The following DMTF1 variants were observed in gnomAD, a reference collection of about 807,000 sequenced individuals.
DMTF1 encodes the protein cyclin D binding myb like transcription factor 1.
DMTF1 carries 39 observed loss-of-function variants against 91.1 expected under a neutral mutation model. That is an observed-to-expected ratio of 0.43 (90% CI 0.33 to 0.56). The LOEUF is 0.56. Among genes scored for constraint, DMTF1 ranks in the 20% least tolerant of loss-of-function variants. The pLI is 0.05. For synonymous variants in DMTF1, 338 were observed against 309.5 expected (o/e 1.09, Z -0.97); for missense variants, 750 against 914.5 (o/e 0.82, Z 2.32).
intron 1 of DMTF1, among the ~76,000 whole-genome samples, chr7:87,153,322 G>A (rs912616560): frequency 6.6e-6 from 1 of 152,160 alleles, no homozygotes. Context: ...TTACCCTATT[G>A]TGCCGAGTTC....
intron 15 of DMTF1, 96 bp from the exon 16 acceptor site, chr7:87,193,629 C>A: frequency 8.4e-7 from 1 of 1,187,350 alleles, no homozygotes; most frequent in East Asian, 2.4e-5. Context: ...AAAGTATTTA[C>A]AGTTTGAGAG....
chr7:87,188,194 C>A lies in DMTF1; in HGVS notation c.1304C>A (p.Ser435Tyr). The stretch of plus-strand genomic sequence containing the variant: ...GGAGTTCCAAACAGTAATACCAATT[C>A]CAGTGTGCAGCATGTTCAGATAAGA... ...GSGVPNSNTN[S>Y]SVQHVQIRVA... Residue 435 changes from serine to tyrosine, a missense_variant, in exon 13 of 18, where the codon TCC becomes TAC. Ser to Tyr is a moderately radical substitution (Grantham distance 144). Around this residue, in one of 3 missense-constraint regions of DMTF1, gnomAD observed 410 missense variants for 420.2 expected, o/e 0.98. Coordinates refer to ENST00000331242, the MANE Select transcript of DMTF1 (RefSeq NM_001142327.2). The A allele has an allele frequency of 1.2e-6, 2 of 1,613,976 alleles. No individual in the cohort carries two copies. The highest frequency in any genetic ancestry group is 1.7e-6 in the Non-Finnish European group (2 of 1,179,912).
intron 11 of DMTF1, chr7:87,185,060 C>T (rs1798119355): frequency 3.0e-6 from 1 of 333,616 alleles, no homozygotes; most frequent in South Asian, 2.4e-5. Flanking sequence ...TCTGTAGTTA[C>T]CTCCACACCT....
chr7:87,194,342 A>G, intron 16 of DMTF1: 1 of 486,924 alleles, frequency 2.1e-6, no homozygotes, highest in Non-Finnish European at 3.6e-6. Flanking sequence ...CTTTACCTAC[A>G]ATACATTGAG....
At chr7:87,175,066 T>C (rs1256965511) in intron 7 of DMTF1, among the ~76,000 whole-genome samples, 1 of 151,606 alleles carries the variant, frequency 6.6e-6, no homozygotes, top group Non-Finnish European at 1.5e-5. Flanking sequence ...TTGCCCAGGC[T>C]GGAGTACAGT....
intron 4 of DMTF1, among the ~76,000 whole-genome samples, chr7:87,167,667 G>C (rs1253956908): frequency 1.1e-4 from 16 of 152,314 alleles, no homozygotes; most frequent in Non-Finnish European, 2.2e-4. Context: ...TTAGTTTACT[G>C]TAAGACTTAA....
At chr7:87,153,525 AT>A in intron 1 of DMTF1, among the ~76,000 whole-genome samples, 1 of 152,306 alleles carries the variant, frequency 6.6e-6, no homozygotes, top group East Asian at 1.9e-4. Context: ...CTCGGTGTAG[AT>A]AAGGAAAAGG....
chr7:87,153,126 G>T (rs1039583912), intron 1 of DMTF1, among the ~76,000 whole-genome samples: 1 of 151,954 alleles, frequency 6.6e-6, no homozygotes, highest in African/African-American at 2.4e-5. Flanking sequence ...CCTCGTTTGC[G>T]CTTTAGATTC....
chr7:87,159,298 C>T (rs1251808874), intron 1 of DMTF1, among the ~76,000 whole-genome samples: 2 of 152,146 alleles, frequency 1.3e-5, no homozygotes, highest in African/African-American at 2.4e-5. Context: ...ATAGTTCTTT[C>T]TGTAAGCCAC....
intron 13 of DMTF1, among the ~76,000 whole-genome samples, chr7:87,189,513 A>C (rs1426276990): frequency 2.6e-5 from 4 of 152,230 alleles, no homozygotes; most frequent in African/African-American, 7.2e-5. Flanking sequence ...ACCCATTGGG[A>C]AGACAAACAT....
intron 7 of DMTF1, among the ~76,000 whole-genome samples, chr7:87,178,224 G>A (rs183223999): frequency 2.6e-5 from 4 of 152,176 alleles, no homozygotes; most frequent in Non-Finnish European, 2.9e-5. Flanking sequence ...TTGACGCTGT[G>A]TGGGAGCTTT....
chr7:87,176,435 C>CT (rs1235865091), intron 7 of DMTF1, among the ~76,000 whole-genome samples: 1 of 152,150 alleles, frequency 6.6e-6, no homozygotes, highest in Admixed American at 6.5e-5. Flanking sequence ...GGTTTCTTGT[C>CT]TAGGGGATTG....
At chr7:87,175,229 C>T (rs1366284749) in intron 7 of DMTF1, among the ~76,000 whole-genome samples, 3 of 151,982 alleles carry the variant, frequency 2.0e-5, no homozygotes, top group Non-Finnish European at 2.9e-5. Flanking sequence ...CCATGTTGGC[C>T]AGGCTGGCCA....
intron 11 of DMTF1, chr7:87,184,896 T>G (rs1384053434): frequency 1.8e-6 from 1 of 556,356 alleles, no homozygotes; most frequent in Non-Finnish European, 3.4e-6. Flanking sequence ...AGAACAGGTA[T>G]GGCACAGGCA....
At chr7:87,170,174 T>G (rs1373238068) in intron 4 of DMTF1, among the ~76,000 whole-genome samples, 1 of 152,196 alleles carries the variant, frequency 6.6e-6, no homozygotes, top group Non-Finnish European at 1.5e-5. Context: ...CCATCTCTTC[T>G]TTGTCTACAA....
chr7:87,182,803 T>G (rs950424555), intron 10 of DMTF1, among the ~76,000 whole-genome samples: 1 of 152,244 alleles, frequency 6.6e-6, no homozygotes, highest in Non-Finnish European at 1.5e-5. Context: ...TTTGCTTATT[T>G]TAAACTCAAA....
At chr7:87,190,820 G>A (rs1799584519) in intron 13 of DMTF1, 125 bp from the exon 14 acceptor site, 2 of 674,542 alleles carry the variant, frequency 3.0e-6, no homozygotes, top group African/African-American at 1.9e-5. Flanking sequence ...ATGACTTCAG[G>A]TCTCCAGGCA....
chr7:87,177,811 A>G (rs1484439614), intron 7 of DMTF1, among the ~76,000 whole-genome samples: 1 of 152,044 alleles, frequency 6.6e-6, no homozygotes, highest in Admixed American at 6.6e-5. Flanking sequence ...TACAGTGTCC[A>G]TTCTGTTCTA....
At chr7:87,179,248 G>C (rs1451940350) in intron 7 of DMTF1, among the ~76,000 whole-genome samples, 1 of 151,824 alleles carries the variant, frequency 6.6e-6, no homozygotes, top group African/African-American at 2.4e-5. Context: ...TTTTGCTCTT[G>C]TGATTTTCTT....
Sources: gnomAD v4.1 joint callset for allele counts (sites outside exome capture counted in the v4.1 genomes callset) on GRCh38, gnomAD v4.1.1 for gene constraint, gnomAD v4.1.1 regional missense constraint, MANE v1.5 for transcripts, NCBI Gene and HGNC (gene_info 2026-07-23, HGNC 2026-07-21) for gene names.